The following EEFSEC variants were observed in gnomAD, a reference collection of about 807,000 sequenced individuals.
EEFSEC encodes the protein eukaryotic elongation factor, selenocysteine-tRNA specific.
A neutral mutation model predicts 42.1 loss-of-function variants in EEFSEC; 43 were observed. The observed-to-expected ratio is 1.02, with a 90% CI of 0.80 to 1.32. The LOEUF (loss-of-function observed/expected upper bound fraction) is 1.32, where lower values mean the gene tolerates loss of function less well. Ranked by LOEUF, EEFSEC falls within the 40% of genes most tolerant of loss-of-function variation. The pLI, the probability that EEFSEC is intolerant of heterozygous loss-of-function variation, is 0.00. For synonymous variants in EEFSEC, 354 were observed against 339.1 expected, an observed-to-expected ratio of 1.04 and a Z score of -0.48; for missense variants, 745 against 803.6, an observed-to-expected ratio of 0.93 and a Z score of 0.88.
Position 128,236,416 on chromosome 3 carries a change from C to T in EEFSEC, c.317-10420C>T, listed in dbSNP as rs544937017. 3.9e-5 allele frequency among the ~76,000 whole-genome samples: 6 copies of T among 152,154 alleles called. No homozygotes were observed. The East Asian group carries it at 7.7e-4, about 20-fold the overall frequency. Reference sequence around the variant, plus strand: ...ACTTAATTTCCTCATCTGTAAATGGCGGGGGGCGGGGGTGGCGGTGACACA... The same window carrying T: ...ACTTAATTTCCTCATCTGTAAATGGTGGGGGGCGGGGGTGGCGGTGACACA... On this transcript the variant is annotated intron_variant, in intron 1 of 6. Coordinates refer to ENST00000254730, the MANE Select transcript of EEFSEC (RefSeq NM_021937.5).
At chr3:128,177,376 A>G (rs2065361051) in intron 1 of EEFSEC, among the ~76,000 whole-genome samples, 1 of 151,570 alleles carries the variant, frequency 6.6e-6, no homozygotes, top group Non-Finnish European at 1.5e-5. Flanking sequence ...CCTCCTTTCA[A>G]TTGGAGAAAT....
chr3:128,276,437 C>T (rs904733819), intron 4 of EEFSEC, among the ~76,000 whole-genome samples: 1 of 152,162 alleles, frequency 6.6e-6, no homozygotes, highest in Admixed American at 6.6e-5. Context: ...TCACGTCCTG[C>T]CCCTGATTTG....
At chr3:128,176,536 C>T (rs930642434) in intron 1 of EEFSEC, among the ~76,000 whole-genome samples, 3 of 152,164 alleles carry the variant, frequency 2.0e-5, no homozygotes, top group Non-Finnish European at 4.4e-5. Context: ...TGATAGGTAC[C>T]AATCACTGCT....
intron 4 of EEFSEC, among the ~76,000 whole-genome samples, chr3:128,277,847 T>C (rs2066485127): frequency 6.6e-6 from 1 of 152,178 alleles, no homozygotes. Flanking sequence ...AGGGGAGGCT[T>C]CTCAGGTCCG....
intron 4 of EEFSEC, among the ~76,000 whole-genome samples, chr3:128,296,658 G>GC (rs11437851): frequency 0.86 from 130,672 of 152,072 alleles, 56,359 homozygotes; most frequent in East Asian, 0.99. Context: ...TGACCTTCCT[G>GC]CCCTCCACGC....
intron 1 of EEFSEC, among the ~76,000 whole-genome samples, chr3:128,231,067 T>G (rs1446319049): frequency 6.6e-6 from 1 of 151,790 alleles, no homozygotes; most frequent in Non-Finnish European, 1.5e-5. Flanking sequence ...ACTCCTCTCC[T>G]CCCCTCCATC....
chr3:128,341,917 C>G, intron 5 of EEFSEC, 28 bp downstream of exon 5: 4 of 1,596,650 alleles, frequency 2.5e-6, no homozygotes, highest in Non-Finnish European at 3.4e-6. Flanking sequence ...TGGCCCCACA[C>G]CCCTTCCCTT....
At chr3:128,228,424 C>T (rs939725517) in intron 1 of EEFSEC, among the ~76,000 whole-genome samples, 2 of 152,100 alleles carry the variant, frequency 1.3e-5, no homozygotes, top group African/African-American at 4.8e-5. Flanking sequence ...GCATGGGCCA[C>T]GGTCCTGGGG....
chr3:128,403,551 G>A (rs904701957), intron 6 of EEFSEC, among the ~76,000 whole-genome samples: 2 of 152,168 alleles, frequency 1.3e-5, no homozygotes, highest in African/African-American at 4.8e-5. Context: ...CCGCCTTCCC[G>A]CGTACTCTGA....
intron 6 of EEFSEC, chr3:128,367,609 G>C: frequency 1.0e-6 from 1 of 983,598 alleles, no homozygotes; most frequent in Non-Finnish European, 1.2e-6. Context: ...GATGCCGTGA[G>C]ACTGCAACAT....
intron 6 of EEFSEC, chr3:128,362,135 T>G (rs767122673): frequency 2.2e-6 from 1 of 451,480 alleles, no homozygotes; most frequent in East Asian, 6.2e-5. Flanking sequence ...CCTGGGAGGC[T>G]GCGCTCCCAA....
the EEFSEC span, among the ~76,000 whole-genome samples, chr3:128,421,483 T>C: frequency 2.6e-5 from 4 of 152,266 alleles, no homozygotes; most frequent in East Asian, 7.7e-4. Context: ...GTGCACAGTC[T>C]CCGGGACCTG....
chr3:128,348,285 T>C (rs1559933301), intron 5 of EEFSEC, among the ~76,000 whole-genome samples: 2 of 151,880 alleles, frequency 1.3e-5, no homozygotes, highest in African/African-American at 4.8e-5. Context: ...TGCGTGTGTG[T>C]GTGTGTGCGT....
At chr3:128,415,782 G>A in the EEFSEC span, among the ~76,000 whole-genome samples, 1 of 152,208 alleles carries the variant, frequency 6.6e-6, no homozygotes, top group African/African-American at 2.4e-5. Flanking sequence ...TCCAAGGAAG[G>A]TCTCCTGGCC....
chr3:128,313,741 G>A (rs79750892), intron 4 of EEFSEC, among the ~76,000 whole-genome samples: 2,267 of 152,346 alleles, frequency 0.015, 56 homozygotes, highest in African/African-American at 0.05. Flanking sequence ...GGCCCCTCAT[G>A]TGGACATATA....
intron 4 of EEFSEC, among the ~76,000 whole-genome samples, chr3:128,301,079 C>T (rs975707508): frequency 2.6e-5 from 4 of 152,128 alleles, no homozygotes; most frequent in African/African-American, 9.7e-5. Context: ...AACCTATCAG[C>T]ACAAGTGGTA....
chr3:128,397,714 G>A (rs2067997878), intron 6 of EEFSEC, among the ~76,000 whole-genome samples: 1 of 152,276 alleles, frequency 6.6e-6, no homozygotes, highest in Non-Finnish European at 1.5e-5. Context: ...GCTCAGCTCT[G>A]GCCCAGCTGG....
intron 1 of EEFSEC, among the ~76,000 whole-genome samples, chr3:128,244,160 G>A (rs1291027316): frequency 1.3e-5 from 2 of 152,334 alleles, no homozygotes; most frequent in African/African-American, 2.4e-5. Context: ...GGCCCCCAAC[G>A]TGTTCCTCCC....
chr3:128,395,102 A>T (rs1044637415), intron 6 of EEFSEC, among the ~76,000 whole-genome samples: 2 of 152,208 alleles, frequency 1.3e-5, no homozygotes, highest in African/African-American at 2.4e-5. Context: ...TAGAGCATCT[A>T]TGACCCCGGG....
Sources: gnomAD v4.1 joint callset for allele counts (sites outside exome capture counted in the v4.1 genomes callset) on GRCh38, gnomAD v4.1.1 for gene constraint, MANE v1.5 for transcripts, NCBI Gene and HGNC (gene_info 2026-07-23, HGNC 2026-07-21) for gene names.